The following COL10A1 variants were observed in gnomAD, a reference collection of about 807,000 sequenced individuals.
COL10A1 encodes the protein collagen type X alpha 1 chain.
Under a neutral mutation model 18.2 loss-of-function variants are expected in COL10A1, and 10 were observed. The observed-to-expected ratio is 0.55, with a 90% confidence interval of 0.34 to 0.93. The LOEUF is 0.93. COL10A1 is among the 40% of genes least tolerant of loss of function. COL10A1 has a pLI of 0.02. For synonymous variants in COL10A1, 330 were observed against 316.6 expected, an observed-to-expected ratio of 1.04 and a Z score of -0.45; for missense variants, 897 against 853.5, an observed-to-expected ratio of 1.05 and a Z score of -0.64.
intron 1 of COL10A1, 146 bp downstream of exon 1, chr6:116,125,907 A>G (rs1472081880): frequency 6.2e-6 from 1 of 161,828 alleles, no homozygotes; most frequent in African/African-American, 2.4e-5. Flanking sequence ...TGATGCAAAA[A>G]GAACTTTTGG....
chr6:116,153,204 T>G (rs1780093622), intron 1 of COL10A1, among the ~76,000 whole-genome samples: 1 of 152,100 alleles, frequency 6.6e-6, no homozygotes, highest in Admixed American at 6.5e-5. Flanking sequence ...ATTAAGAATT[T>G]TTTTAAATCA....
In COL10A1 at chr6:116,120,239, T is replaced by C. The variant is rs1486604626; in HGVS notation, c.1877A>G (p.Asp626Gly). Reference protein sequence around the residue: ...KNGTPVMYTYDEYTKGYLDQA... With the variant: ...KNGTPVMYTYGEYTKGYLDQA... ...ATCCAGGTAGCCTTTGGTGTATTCA[T>C]CATAGGTGTACATTACAGGGGTGCC... Residue 626 changes from aspartate (D) to glycine (G), a missense_variant, in exon 3 of 3, where the codon GAT (aspartate) becomes GGT (glycine). Asp to Gly is a moderately conservative substitution (Grantham distance 94). Transcript: ENST00000651968. 1.2e-6 allele frequency: 2 copies of C among 1,614,076 alleles called. No homozygotes were observed. Among genetic ancestry groups the C allele is most frequent in the Non-Finnish European group, 1.7e-6 (2 of 1,180,026 alleles).
chr6:116,174,680 A>T, the COL10A1 span, among the ~76,000 whole-genome samples: 4 of 152,164 alleles, frequency 2.6e-5, no homozygotes, highest in African/African-American at 9.6e-5. Context: ...TTCGATTTTT[A>T]TACAGGTACT....
chr6:116,208,773 T>C, the COL10A1 span, among the ~76,000 whole-genome samples: 1 of 151,964 alleles, frequency 6.6e-6, no homozygotes, highest in Non-Finnish European at 1.5e-5. Flanking sequence ...ATTCAGAGAC[T>C]AAAAATAAAG....
the COL10A1 span, among the ~76,000 whole-genome samples, chr6:116,173,433 GA>G: frequency 6.6e-6 from 1 of 152,302 alleles, no homozygotes; most frequent in African/African-American, 2.4e-5. Context: ...TTGGACAGCA[GA>G]ACAGAATCCT....
chr6:116,138,347 A>C (rs764051547), intron 1 of COL10A1, among the ~76,000 whole-genome samples: 12 of 152,194 alleles, frequency 7.9e-5, no homozygotes, highest in Non-Finnish European at 1.8e-4. Flanking sequence ...TAATTCCAAG[A>C]ATAGCACTAC....
intron 1 of COL10A1, among the ~76,000 whole-genome samples, chr6:116,131,560 C>A (rs1239823765): frequency 6.6e-6 from 1 of 152,114 alleles, no homozygotes; most frequent in Non-Finnish European, 1.5e-5. Flanking sequence ...AGATGGTCTG[C>A]ATTCCTTTTT....
chr6:116,187,989 A>T, the COL10A1 span, among the ~76,000 whole-genome samples: 5 of 152,080 alleles, frequency 3.3e-5, no homozygotes, highest in Non-Finnish European at 7.4e-5. Flanking sequence ...AAAAAGACCT[A>T]TAAATCAGTA....
chr6:116,151,154 C>T lies in COL10A1; in HGVS notation c.-16+7460G>A, dbSNP rs73772288. On this transcript the variant is annotated intron_variant, in intron 1 of 1. Transcript: ENST00000418500. ...ATCTGCTCAGCCTTCTTTTTGCTTC[C>T]GGGCAGCTATCTAGCCCATATTCCT... 4.9e-3 allele frequency among the ~76,000 whole-genome samples: 740 copies of T among 152,104 alleles called. 12 individuals are homozygous for T. Among genetic ancestry groups the T allele is most frequent in the South Asian group, 0.043 (208 of 4,818 alleles).
At chr6:116,154,173 A>G (rs563414166) in intron 1 of COL10A1, among the ~76,000 whole-genome samples, 1 of 151,990 alleles carries the variant, frequency 6.6e-6, no homozygotes, top group African/African-American at 2.4e-5. Flanking sequence ...GAGTCTATTG[A>G]TTTTACTTTT....
chr6:116,170,904 C>T, the COL10A1 span, among the ~76,000 whole-genome samples: 1 of 152,176 alleles, frequency 6.6e-6, no homozygotes. Flanking sequence ...AAGGTCACCT[C>T]CTCCCTTAAG....
chr6:116,180,725 A>G, the COL10A1 span, among the ~76,000 whole-genome samples: 2 of 152,112 alleles, frequency 1.3e-5, no homozygotes, highest in Admixed American at 1.3e-4. Context: ...GGCAATAAGC[A>G]GAATCCAGAA....
At chr6:116,124,358 C>T (rs960751115) in intron 2 of COL10A1, among the ~76,000 whole-genome samples, 4 of 151,972 alleles carry the variant, frequency 2.6e-5, no homozygotes, top group East Asian at 1.9e-4. Flanking sequence ...ATTTTATAGG[C>T]GGTCGTGTCA....
chr6:116,144,798 T>A (rs904425312), intron 1 of COL10A1, among the ~76,000 whole-genome samples: 1 of 152,130 alleles, frequency 6.6e-6, no homozygotes, highest in Non-Finnish European at 1.5e-5. Context: ...CCCTGACAAC[T>A]GTGAGTTAGT....
intron 1 of COL10A1, among the ~76,000 whole-genome samples, chr6:116,156,466 G>T (rs1267755406): frequency 6.6e-6 from 1 of 152,170 alleles, no homozygotes; most frequent in Non-Finnish European, 1.5e-5. Context: ...CCTCATAAGG[G>T]ATTACTATGC....
chr6:116,126,546 T>A (rs1323849544), upstream of COL10A1, among the ~76,000 whole-genome samples: 1 of 152,186 alleles, frequency 6.6e-6, no homozygotes, highest in African/African-American at 2.4e-5. Flanking sequence ...TAGACCATCA[T>A]CTAAATTATT....
chr6:116,210,286 A>G, the COL10A1 span, among the ~76,000 whole-genome samples: 4 of 151,984 alleles, frequency 2.6e-5, no homozygotes, highest in Non-Finnish European at 5.9e-5. Flanking sequence ...TGATTTGTCA[A>G]AATTTATCCA....
chr6:116,152,541 G>A (rs1236318766), intron 1 of COL10A1, among the ~76,000 whole-genome samples: 1 of 152,156 alleles, frequency 6.6e-6, no homozygotes, highest in African/African-American at 2.4e-5. Context: ...TGACTCCTGT[G>A]TACTGGATTT....
the COL10A1 span, among the ~76,000 whole-genome samples, chr6:116,171,384 A>G: frequency 6.6e-6 from 1 of 152,208 alleles, no homozygotes; most frequent in Non-Finnish European, 1.5e-5. Flanking sequence ...CTAAAAGGCC[A>G]TTTGTAATCT....
Sources: allele counts gnomAD v4.1 joint callset (sites outside exome capture counted in the v4.1 genomes callset), GRCh38; gene constraint gnomAD v4.1.1; transcripts MANE v1.5; gene names NCBI Gene and HGNC (gene_info 2026-07-23, HGNC 2026-07-21).